The following TMPRSS15 variants were observed in gnomAD, a reference collection of about 807,000 sequenced individuals.
The protein encoded by TMPRSS15 is transmembrane serine protease 15.
In TMPRSS15, 128 loss-of-function variants were observed where a neutral mutation model predicts 125.3. The observed-to-expected ratio is 1.02, with a 90% confidence interval of 0.89 to 1.18. The LOEUF is 1.18. Among genes scored for constraint, TMPRSS15 ranks in the 50% most tolerant of loss-of-function variants. The pLI is 0.00. For synonymous variants in TMPRSS15, 446 were observed against 423.2 expected (o/e 1.05, Z -0.66); for missense variants, 1,283 against 1,212.7 (o/e 1.06, Z -0.86).
intron 17 of TMPRSS15, among the ~76,000 whole-genome samples, chr21:18,313,833 C>T (rs1293084314): frequency 6.7e-6 from 1 of 149,066 alleles, no homozygotes; most frequent in Non-Finnish European, 1.5e-5. Flanking sequence ...TATATATAAA[C>T]TTAGTTTCTG....
intron 6 of TMPRSS15, among the ~76,000 whole-genome samples, chr21:18,370,121 A>C (rs1229967169): frequency 6.6e-6 from 1 of 152,180 alleles, no homozygotes; most frequent in East Asian, 1.9e-4. Flanking sequence ...GTTTGACTAT[A>C]TTTTTAAAGC....
At chr21:18,353,301 C>A (rs946659396) in intron 9 of TMPRSS15, among the ~76,000 whole-genome samples, 1 of 151,610 alleles carries the variant, frequency 6.6e-6, no homozygotes, top group African/African-American at 2.4e-5. Context: ...ATATAAGTTT[C>A]TCATTTTTTA....
intron 19 of TMPRSS15, among the ~76,000 whole-genome samples, chr21:18,296,940 C>T (rs1465254843): frequency 4.6e-5 from 7 of 152,124 alleles, no homozygotes; most frequent in Non-Finnish European, 8.8e-5. Flanking sequence ...TCATGAAAAA[C>T]TGAATAATTA....
intron 1 of TMPRSS15, among the ~76,000 whole-genome samples, chr21:18,484,831 T>C (rs1439647670): frequency 6.6e-6 from 1 of 151,894 alleles, no homozygotes; most frequent in African/African-American, 2.4e-5. Flanking sequence ...TACAGGTTTA[T>C]CCAATATCTG....
intron 5 of TMPRSS15, among the ~76,000 whole-genome samples, chr21:18,374,753 C>G (rs1478126511): frequency 6.6e-6 from 1 of 152,086 alleles, no homozygotes; most frequent in East Asian, 1.9e-4. Flanking sequence ...TAAGACCACT[C>G]GAGAAGCAGT....
intron 1 of TMPRSS15, among the ~76,000 whole-genome samples, chr21:18,425,284 A>C (rs2824821): frequency 0.31 from 47,134 of 151,980 alleles, 8,973 homozygotes; most frequent in East Asian, 0.79. Context: ...GACTACTATA[A>C]GGACTCCACA....
chr21:18,369,193 G>T (rs542395760), intron 6 of TMPRSS15, among the ~76,000 whole-genome samples: 1 of 152,090 alleles, frequency 6.6e-6, no homozygotes, highest in Non-Finnish European at 1.5e-5. Flanking sequence ...AACACATAAG[G>T]GTAAGCACTT....
chr21:18,329,732 A>T (rs1294044961), intron 14 of TMPRSS15, among the ~76,000 whole-genome samples: 5 of 151,538 alleles, frequency 3.3e-5, no homozygotes, highest in Non-Finnish European at 5.9e-5. Context: ...TTATTTTAAA[A>T]TTTTTGCATT....
At chr21:18,403,240 A>T (rs1414408287) in intron 1 of TMPRSS15, among the ~76,000 whole-genome samples, 1 of 152,220 alleles carries the variant, frequency 6.6e-6, no homozygotes, top group South Asian at 2.1e-4. Context: ...TAAATTCTGC[A>T]TTAAGTTTCA....
rs553867489 is a variant in TMPRSS15 at position 18,372,995 on chromosome 21, T to A, written c.533-671A>T. ...TATATGCCTACAAGATAAAGACTTT[T>A]AAAAAAAATTTTTAGGCCAGTGTGG... On this transcript the variant is annotated intron_variant, in intron 5 of 24. Transcript: ENST00000284885. 1.4e-4 allele frequency among the ~76,000 whole-genome samples: 22 copies of A among 152,272 alleles called. No individual in the cohort carries two copies. The East Asian group carries it at 1.9e-3, about 13-fold the overall frequency.
intron 18 of TMPRSS15, among the ~76,000 whole-genome samples, chr21:18,306,746 C>T (rs1172446412): frequency 6.6e-6 from 1 of 151,776 alleles, no homozygotes; most frequent in Non-Finnish European, 1.5e-5. Flanking sequence ...CAGGGAAATG[C>T]TATTTGCTAG....
Position 18,297,034 on chromosome 21 carries a change from A to G in TMPRSS15, c.2261+700T>C, listed in dbSNP as rs113671006. ...TTTGTAGTTATGGCTTCTTGCAGTT[A>G]CATTCTTCCCACCCACAGCTGTTCT... On this transcript the variant is annotated intron_variant, in intron 19 of 24. Coordinates refer to ENST00000284885, the MANE Select transcript of TMPRSS15 (RefSeq NM_002772.3). Among the ~76,000 whole-genome samples the G allele has an allele frequency of 4.3e-3, 652 of 152,338 alleles. 2 individuals are homozygous for G. The highest frequency in any genetic ancestry group is 0.015 in the African/African-American group (606 of 41,574).
In TMPRSS15 at chr21:18,341,465, C is replaced by G; in HGVS notation, c.1512G>C (p.Gly504=). Residue 504 remains glycine (G), a synonymous_variant, in exon 13 of 25, where the codon GGG becomes GGC. Transcript: ENST00000284885. ...CCAAAGTTGGTTCTGGATAAAGACT[C>G]CCATTGCAAATCCCATATGTTAGGC... The part of the protein sequence containing the change: ...DISLTYGICN[G]SLYPEPTLVP... The G allele has an allele frequency of 6.2e-7, 1 of 1,614,122 alleles. No individual in the cohort carries two copies. The highest frequency in any genetic ancestry group is 2.2e-5 in the East Asian group (1 of 44,886).
intron 4 of TMPRSS15, among the ~76,000 whole-genome samples, chr21:18,381,757 A>G (rs534146036): frequency 2.6e-5 from 4 of 152,156 alleles, no homozygotes; most frequent in Admixed American, 6.6e-5. Flanking sequence ...TTTGCTTGCC[A>G]GAACAGACCA....
intron 21 of TMPRSS15, among the ~76,000 whole-genome samples, chr21:18,292,722 T>C (rs1301257999): frequency 6.6e-6 from 1 of 152,240 alleles, no homozygotes; most frequent in Non-Finnish European, 1.5e-5. Flanking sequence ...ACTTTTTAGC[T>C]AAAACTAGCT....
chr21:18,398,748 C>A (rs2034423343), intron 1 of TMPRSS15, among the ~76,000 whole-genome samples: 1 of 152,048 alleles, frequency 6.6e-6, no homozygotes, highest in Non-Finnish European at 1.5e-5. Flanking sequence ...TTCTTGAACA[C>A]CTAGCATCCA....
intron 1 of TMPRSS15, among the ~76,000 whole-genome samples, chr21:18,468,219 CA>C (rs1978705366): frequency 6.6e-6 from 1 of 152,074 alleles, no homozygotes; most frequent in African/African-American, 2.4e-5. Flanking sequence ...CATTTTTGGA[CA>C]AGAAACAGAG....
chr21:18,311,483 A>G (rs2075100843), intron 18 of TMPRSS15, among the ~76,000 whole-genome samples: 1 of 152,220 alleles, frequency 6.6e-6, no homozygotes, highest in Non-Finnish European at 1.5e-5. Context: ...CAGAATATGA[A>G]AAAATGCTCA....
intron 1 of TMPRSS15, among the ~76,000 whole-genome samples, chr21:18,478,435 A>G (rs550487625): frequency 2.4e-4 from 36 of 152,104 alleles, no homozygotes; most frequent in Admixed American, 2.0e-3. Flanking sequence ...GTAATACAGA[A>G]AGTTCTGTTG....
Sources: allele counts gnomAD v4.1 joint callset (sites outside exome capture counted in the v4.1 genomes callset), GRCh38; gene constraint gnomAD v4.1.1; transcripts MANE v1.5; gene names NCBI Gene and HGNC (gene_info 2026-07-23, HGNC 2026-07-21).